Variants in PDE4D observed in about 807,000 individuals in gnomAD.
The protein encoded by PDE4D is 3',5'-cyclic-AMP phosphodiesterase 4D.
A neutral mutation model predicts 87.4 loss-of-function variants in PDE4D; 24 were observed. The observed-to-expected ratio is 0.27, with a 90% CI of 0.20 to 0.39. The LOEUF (loss-of-function observed/expected upper bound fraction) is 0.39. Ranked by LOEUF, PDE4D falls within the 10% of genes least tolerant of loss-of-function variation. The pLI is 1.00. For missense variants in PDE4D, 714 were observed against 1,041.0 expected (o/e 0.69, Z 4.32); for synonymous variants, 384 against 383.2 (o/e 1.00, Z -0.02).
chr5:60,307,389 A>ATG (rs1193213189), intron 1 of PDE4D, among the ~76,000 whole-genome samples: 1 of 152,208 alleles, frequency 6.6e-6, no homozygotes, highest in Non-Finnish European at 1.5e-5. Flanking sequence ...ACACCAAAAT[A>ATG]TGTCTAGTGT....
chr5:59,134,497 T>G (rs1776751421), intron 5 of PDE4D, among the ~76,000 whole-genome samples: 1 of 152,114 alleles, frequency 6.6e-6, no homozygotes, highest in Non-Finnish European at 1.5e-5. Context: ...AAAGTCATGT[T>G]CCTTTGAATT....
At chr5:59,811,928 CTG>C (rs937994886) in intron 1 of PDE4D, among the ~76,000 whole-genome samples, 1 of 152,212 alleles carries the variant, frequency 6.6e-6, no homozygotes, top group African/African-American at 2.4e-5. Context: ...TACCAGTTGA[CTG>C]TGAAGAATTT....
chr5:60,147,315 G>C (rs1314378877), intron 2 of PDE4D, among the ~76,000 whole-genome samples: 2 of 152,158 alleles, frequency 1.3e-5, no homozygotes, highest in Non-Finnish European at 2.9e-5. Flanking sequence ...TCAACAGACA[G>C]GTCGTTAGGC....
At chr5:60,307,076 A>G (rs1480110569) in intron 1 of PDE4D, among the ~76,000 whole-genome samples, 31 of 152,146 alleles carry the variant, frequency 2.0e-4, no homozygotes, top group Admixed American at 2.0e-3. Context: ...TTTTGAAAAG[A>G]TACACCTATC....
At chr5:60,341,758 G>C (rs1250541088) in intron 1 of PDE4D, among the ~76,000 whole-genome samples, 1 of 152,068 alleles carries the variant, frequency 6.6e-6, no homozygotes. Flanking sequence ...AAAGAGTGTA[G>C]AGCCACATAA....
intron 1 of PDE4D, among the ~76,000 whole-genome samples, chr5:60,420,480 T>C (rs1742992429): frequency 6.6e-6 from 1 of 152,114 alleles, no homozygotes; most frequent in African/African-American, 2.4e-5. Context: ...CAAGCAAAAT[T>C]CTTCAGAAGA....
At position 59,310,406 on chromosome 5, in the gene PDE4D, CA is replaced by C. The variant is rs1218654578; in HGVS notation, c.456-94439del. Among the ~76,000 whole-genome samples the C allele has an allele frequency of 6.6e-5, 10 of 152,296 alleles. No individual in the cohort carries two copies. In the East Asian group the frequency reaches 1.7e-3, roughly 26 times the overall value. On this transcript the variant is annotated intron_variant, in intron 1 of 14. Transcript: ENST00000340635. ...TCTCCACCAATTCTTTATTTCCTAT[CA>C]TGAATTTTTAAATCCTGCTACACAT... is the stretch of plus-strand genomic sequence containing the variant.
chr5:59,295,156 T>C (rs945422455), intron 1 of PDE4D, among the ~76,000 whole-genome samples: 1 of 152,216 alleles, frequency 6.6e-6, no homozygotes, highest in African/African-American at 2.4e-5. Flanking sequence ...TGAAGATTTT[T>C]GTTGGGATAA....
At chr5:60,261,138 G>A (rs962956345) in intron 1 of PDE4D, among the ~76,000 whole-genome samples, 1 of 151,986 alleles carries the variant, frequency 6.6e-6, no homozygotes, top group African/African-American at 2.4e-5. Flanking sequence ...ATTGAACATA[G>A]GATACAATAG....
In PDE4D at chr5:59,215,876, A is replaced by G. The variant is rs1312305936; in HGVS notation, c.548T>C (p.Val183Ala). The G allele has an allele frequency of 1.2e-6, 2 of 1,613,676 alleles. No individual in the cohort carries two copies. Among genetic ancestry groups the G allele is most frequent in the Middle Eastern group, 3.3e-4 (2 of 6,058 alleles). Residue 183 changes from valine (V) to alanine (A), a missense_variant, in exon 2 of 15, where the codon GTC (valine) becomes GCC (alanine). Around this residue, in one of 7 missense-constraint regions of PDE4D, gnomAD observed 268 missense variants for 272.9 expected, o/e 0.98. Transcript: ENST00000340635. Reference protein sequence around the residue: ...GSGLILQANFVHSQRRESFLY... With the variant: ...GSGLILQANFAHSQRRESFLY... ...GAAGGACTCCCGTCGTTGACTGTGGACAAAATTTGCTTGGAGAATTAGCCC... is the reference window on the plus strand; with the variant it reads ...GAAGGACTCCCGTCGTTGACTGTGGGCAAAATTTGCTTGGAGAATTAGCCC...
chr5:59,028,858 T>C (rs1198229805), intron 6 of PDE4D, among the ~76,000 whole-genome samples: 1 of 152,194 alleles, frequency 6.6e-6, no homozygotes, highest in African/African-American at 2.4e-5. Context: ...CCAGTGTTAG[T>C]AAATGGTAGG....
intron 1 of PDE4D, among the ~76,000 whole-genome samples, chr5:59,633,624 T>C (rs1256993316): frequency 1.3e-5 from 2 of 152,174 alleles, no homozygotes; most frequent in Non-Finnish European, 2.9e-5. Flanking sequence ...CAGAATTTCA[T>C]ATCCAGCCAA....
intron 3 of PDE4D, among the ~76,000 whole-genome samples, chr5:59,914,984 C>T (rs1308451700): frequency 6.6e-6 from 1 of 150,868 alleles, no homozygotes; most frequent in Non-Finnish European, 1.5e-5. Context: ...TATAGTGCTT[C>T]TATTGAGTGA....
intron 3 of PDE4D, among the ~76,000 whole-genome samples, chr5:59,950,500 T>C (rs1290919169): frequency 6.6e-6 from 1 of 152,130 alleles, no homozygotes; most frequent in Non-Finnish European, 1.5e-5. Flanking sequence ...TATTTATCTT[T>C]GTGTCTCTCA....
chr5:59,769,170 G>A (rs1763193203), intron 1 of PDE4D, among the ~76,000 whole-genome samples: 1 of 151,712 alleles, frequency 6.6e-6, no homozygotes, highest in Non-Finnish European at 1.5e-5. Context: ...AACCACATAA[G>A]ACAAATCCCA....
At chr5:59,227,327 T>C (rs1391301212) in intron 1 of PDE4D, among the ~76,000 whole-genome samples, 1 of 152,022 alleles carries the variant, frequency 6.6e-6, no homozygotes, top group African/African-American at 2.4e-5. Context: ...ACATAGGAAC[T>C]GGCAAAGATT....
Position 60,258,879 on chromosome 5 carries a change from A to G in PDE4D, c.-89-73192T>C, listed in dbSNP as rs1270755748. ...AGTTTCAAATGAAAAAAATCAGGAC[A>G]CAAAATTATATATACAATATGATTA... On this transcript the variant is annotated intron_variant, in intron 1 of 16. Coordinates refer to the PDE4D transcript ENST00000502484. Among the ~76,000 whole-genome samples the G allele has an allele frequency of 2.6e-5, 4 of 152,106 alleles. No homozygotes were observed. The East Asian group carries it at 7.8e-4, about 29-fold the overall frequency.
intron 1 of PDE4D, among the ~76,000 whole-genome samples, chr5:59,435,599 T>A (rs1207698120): frequency 6.6e-6 from 1 of 152,186 alleles, no homozygotes; most frequent in African/African-American, 2.4e-5. Flanking sequence ...TTTACCACAC[T>A]GTTTCATAGC....
intron 1 of PDE4D, among the ~76,000 whole-genome samples, chr5:60,278,566 C>T (rs557313060): frequency 6.6e-6 from 1 of 152,068 alleles, no homozygotes; most frequent in South Asian, 2.1e-4. Flanking sequence ...GCCCATTAGG[C>T]TCTTGTTTTG....
Sources: allele counts gnomAD v4.1 joint callset (sites outside exome capture counted in the v4.1 genomes callset), GRCh38; gene constraint gnomAD v4.1.1; regional missense constraint gnomAD v4.1.1; transcripts MANE v1.5; gene names NCBI Gene and HGNC (gene_info 2026-07-23, HGNC 2026-07-21).